LUZP2: variants seen among roughly 807,000 people sequenced by gnomAD.
LUZP2 encodes the protein leucine zipper protein 2.
A neutral mutation model predicts 51.6 loss-of-function variants in LUZP2; 52 were observed. The ratio of observed to expected loss-of-function variants is 1.01; its 90% CI spans 0.81 to 1.27. The LOEUF (loss-of-function observed/expected upper bound fraction) is 1.27. Among genes scored for constraint, LUZP2 ranks in the 50% most tolerant of loss-of-function variants. The probability of loss-of-function intolerance (pLI) is 0.00; values close to 1 mark genes in which losing one functional copy is unlikely to be tolerated. For missense variants in LUZP2, 436 were observed against 395.4 expected (o/e 1.10, Z -0.87); for synonymous variants, 154 against 137.3 (o/e 1.12, Z -0.85).
At chr11:24,787,488 C>T (rs995991147) in intron 5 of LUZP2, among the ~76,000 whole-genome samples, 8 of 152,080 alleles carry the variant, frequency 5.3e-5, no homozygotes, top group Non-Finnish European at 1.5e-5. Context: ...TAATAGTAAA[C>T]TGGACAAAAT....
chr11:24,922,346 G>C (rs1441652416), intron 7 of LUZP2, among the ~76,000 whole-genome samples: 2 of 152,124 alleles, frequency 1.3e-5, no homozygotes, highest in Non-Finnish European at 2.9e-5. Flanking sequence ...ATTGCAACCT[G>C]AATTTCCATG....
chr11:24,622,078 C>T (rs1402182195), intron 1 of LUZP2, among the ~76,000 whole-genome samples: 5 of 151,862 alleles, frequency 3.3e-5, no homozygotes, highest in African/African-American at 9.7e-5. Context: ...GCAGCTGGGA[C>T]TACAGGCATG....
At chr11:24,513,318 T>C (rs549070091) in intron 1 of LUZP2, among the ~76,000 whole-genome samples, 1 of 152,302 alleles carries the variant, frequency 6.6e-6, no homozygotes, top group African/African-American at 2.4e-5. Flanking sequence ...TAAAAACATC[T>C]ATATTTGAAA....
At chr11:24,643,063 C>G (rs16925329) in intron 1 of LUZP2, among the ~76,000 whole-genome samples, 1,569 of 151,856 alleles carry the variant, frequency 0.01, 33 homozygotes, top group African/African-American at 0.034. Context: ...AGGCTAAAAT[C>G]TAGGCAAAAC....
At chr11:24,730,134 T>C (rs542893771) in intron 2 of LUZP2, among the ~76,000 whole-genome samples, 3 of 151,592 alleles carry the variant, frequency 2.0e-5, no homozygotes, top group South Asian at 4.2e-4. Flanking sequence ...ATGATGATGG[T>C]GGTAGTGGTG....
At chr11:24,720,169 A>G (rs727750) in intron 1 of LUZP2, among the ~76,000 whole-genome samples, 51,546 of 152,030 alleles carry the variant, frequency 0.34, 9,364 homozygotes, top group Non-Finnish European at 0.41. Flanking sequence ...TTTGCAGGCC[A>G]TATTATTTTA....
At chr11:24,770,190 C>T (rs1303915028) in intron 5 of LUZP2, among the ~76,000 whole-genome samples, 2 of 152,132 alleles carry the variant, frequency 1.3e-5, no homozygotes, top group Non-Finnish European at 1.5e-5. Flanking sequence ...TATTTTACTT[C>T]TAGGATAAAA....
intron 7 of LUZP2, among the ~76,000 whole-genome samples, chr11:24,937,475 C>G (rs971039875): frequency 6.6e-6 from 1 of 152,044 alleles, no homozygotes; most frequent in African/African-American, 2.4e-5. Flanking sequence ...ATACATTGTA[C>G]AAAATATTTT....
chr11:24,634,839 C>T (rs1565043530), intron 1 of LUZP2, among the ~76,000 whole-genome samples: 1 of 151,964 alleles, frequency 6.6e-6, no homozygotes, highest in Non-Finnish European at 1.5e-5. Context: ...AGAATAATTG[C>T]TTTATTTATT....
chr11:24,917,434 C>T (rs1354448802), intron 7 of LUZP2, among the ~76,000 whole-genome samples: 1 of 152,034 alleles, frequency 6.6e-6, no homozygotes, highest in Non-Finnish European at 1.5e-5. Context: ...AATGGTATTG[C>T]CTAGGTTTTC....
chr11:25,055,808 T>A (rs2134031124), intron 10 of LUZP2, among the ~76,000 whole-genome samples: 1 of 152,286 alleles, frequency 6.6e-6, no homozygotes, highest in East Asian at 1.9e-4. Context: ...TCAACCAGTT[T>A]CCAGCTGTGT....
intron 9 of LUZP2, among the ~76,000 whole-genome samples, chr11:24,995,976 A>C (rs1286305505): frequency 6.6e-6 from 1 of 151,508 alleles, no homozygotes; most frequent in Non-Finnish European, 1.5e-5. Flanking sequence ...TTTTTGTATA[A>C]TTCATTTTTA....
At chr11:24,912,189 C>T (rs1330273915) in intron 6 of LUZP2, among the ~76,000 whole-genome samples, 2 of 151,312 alleles carry the variant, frequency 1.3e-5, no homozygotes, top group Non-Finnish European at 2.9e-5. Context: ...TCCTCTCTCC[C>T]ACTTCCTCTT....
In LUZP2 at chr11:25,075,504, G is replaced by A. The variant is rs963577725; in HGVS notation, c.859-1825G>A. Reference sequence around the variant, plus strand: ...CACTTTTTGGTAGGCATCTAGCTGCGATCTAGTGGAGATAAATGTTGCCCC... The same window carrying A: ...CACTTTTTGGTAGGCATCTAGCTGCAATCTAGTGGAGATAAATGTTGCCCC... On this transcript the variant is annotated intron_variant, in intron 10 of 11. Coordinates refer to ENST00000336930, the MANE Select transcript of LUZP2 (RefSeq NM_001009909.4). Among the ~76,000 whole-genome samples the A allele has an allele frequency of 4.6e-5, 7 of 152,096 alleles. No individual in the cohort carries two copies. In the East Asian group the frequency reaches 1.3e-3, roughly 29 times the overall value.
chr11:24,756,228 T>C (rs1859769775), intron 4 of LUZP2, among the ~76,000 whole-genome samples: 1 of 152,200 alleles, frequency 6.6e-6, no homozygotes, highest in South Asian at 2.1e-4. Flanking sequence ...CATGTATTGA[T>C]ACACTGATTA....
intron 1 of LUZP2, among the ~76,000 whole-genome samples, chr11:24,592,691 G>GA (rs113544553): frequency 0.79 from 118,235 of 148,822 alleles, 47,593 homozygotes; most frequent in Middle Eastern, 0.89. Context: ...TTGGAGAAAA[G>GA]AAAAAAAAAA....
At chr11:25,015,138 G>A (rs983617738) in intron 9 of LUZP2, among the ~76,000 whole-genome samples, 1 of 152,048 alleles carries the variant, frequency 6.6e-6, no homozygotes, top group African/African-American at 2.4e-5. Context: ...ATATTGAGTA[G>A]TTGCGATTTA....
chr11:25,013,026 G>A (rs1857027879), intron 9 of LUZP2, among the ~76,000 whole-genome samples: 1 of 152,102 alleles, frequency 6.6e-6, no homozygotes, highest in African/African-American at 2.4e-5. Context: ...TACCCAAATG[G>A]AATACTCCAC....
chr11:25,019,946 A>T (rs1395959443), intron 9 of LUZP2, among the ~76,000 whole-genome samples: 1 of 151,960 alleles, frequency 6.6e-6, no homozygotes, highest in Non-Finnish European at 1.5e-5. Context: ...CTTAAAAATG[A>T]CTCCAGATTT....
Sources: gnomAD v4.1 joint callset for allele counts (sites outside exome capture counted in the v4.1 genomes callset) on GRCh38, gnomAD v4.1.1 for gene constraint, MANE v1.5 for transcripts, NCBI Gene and HGNC (gene_info 2026-07-23, HGNC 2026-07-21) for gene names.